Variants in APP observed in about 807,000 individuals in gnomAD.
APP encodes the protein amyloid beta precursor protein.
In APP, 31 loss-of-function variants were observed where a neutral mutation model predicts 101.4. That is an observed-to-expected ratio of 0.31 (90% confidence interval 0.23 to 0.41). The LOEUF is 0.41. Ranked by LOEUF, APP falls within the 10% of genes least tolerant of loss-of-function variation. The probability of loss-of-function intolerance (pLI) is 1.00; values close to 1 mark genes in which losing one functional copy is unlikely to be tolerated. For synonymous variants in APP, 366 were observed against 364.4 expected (o/e 1.00, Z -0.05); for missense variants, 839 against 1,003.7 (o/e 0.84, Z 2.22).
chr21:26,102,112 G>C (rs913540432), intron 2 of APP, among the ~76,000 whole-genome samples: 1 of 2,944 alleles, frequency 3.4e-4, no homozygotes, highest in Non-Finnish European at 1.2e-3. Flanking sequence ...TTTGGAGCCG[G>C]AGTCTCGCTC....
Position 26,144,049 on chromosome 21 carries a change from C to T in APP, c.57+26515G>A, listed in dbSNP as rs560091298. On this transcript the variant is annotated intron_variant, in intron 1 of 17. Coordinates refer to ENST00000346798, the MANE Select transcript of APP (RefSeq NM_000484.4). ...TCAGGAACCTTACAATTAGGGTAGA[C>T]GGGGAGGCAAACACGTCCTTCTTCA... Among the ~76,000 whole-genome samples, 8 of 152,136 alleles carry T rather than the reference C, an allele frequency of 5.3e-5. No homozygotes were observed. In the South Asian group the frequency reaches 6.2e-4, roughly 12 times the overall value.
chr21:25,895,760 ATGC>A (rs1193751812), intron 16 of APP, among the ~76,000 whole-genome samples: 2 of 152,220 alleles, frequency 1.3e-5, no homozygotes, highest in African/African-American at 2.4e-5. Context: ...CTAAACAAAT[ATGC>A]TAGCTCAACA....
At position 26,136,977 on chromosome 21, in the gene APP, T is replaced by C. The variant is rs139144082; in HGVS notation, c.58-24831A>G. ...GCGCGATCTCTGCTCACTGCACCTA[T>C]GCCTCCTGGGTTCAAGAGATCCATC... is the stretch of plus-strand genomic sequence containing the variant. On this transcript the variant is annotated intron_variant, in intron 1 of 17. Transcript: ENST00000346798. 1.6e-3 allele frequency among the ~76,000 whole-genome samples: 248 copies of C among 152,280 alleles called. 2 individuals carry two copies. The highest frequency in any genetic ancestry group is 3.5e-3 in the Admixed American group (54 of 15,298).
chr21:25,997,006 A>G (rs183400395), intron 8 of APP, among the ~76,000 whole-genome samples: 1 of 152,376 alleles, frequency 6.6e-6, no homozygotes, highest in East Asian at 1.9e-4. Flanking sequence ...CTGCAAAAGC[A>G]GTGAGAGGCT....
At chr21:26,058,172 G>C (rs1178880610) in intron 3 of APP, among the ~76,000 whole-genome samples, 1 of 152,180 alleles carries the variant, frequency 6.6e-6, no homozygotes, top group Non-Finnish European at 1.5e-5. Flanking sequence ...AGAAATTCAA[G>C]ACTCTGTGTC....
intron 3 of APP, among the ~76,000 whole-genome samples, chr21:26,078,185 AC>A (rs2061533070): frequency 6.6e-6 from 1 of 152,200 alleles, no homozygotes; most frequent in African/African-American, 2.4e-5. Flanking sequence ...AAAATATAAT[AC>A]GTGAGAAAAA....
At chr21:25,890,400 G>A (rs983933426) in intron 17 of APP, among the ~76,000 whole-genome samples, 1 of 152,216 alleles carries the variant, frequency 6.6e-6, no homozygotes, top group African/African-American at 2.4e-5. Context: ...CTTGGGGATA[G>A]TGGAATCTTC....
At chr21:25,949,452 G>A (rs1001739377) in intron 13 of APP, among the ~76,000 whole-genome samples, 1 of 152,204 alleles carries the variant, frequency 6.6e-6, no homozygotes, top group Admixed American at 6.5e-5. Context: ...AGAGGATGCT[G>A]TGGCCTAGGA....
At chr21:25,991,510 T>C (rs1467786571) in intron 8 of APP, among the ~76,000 whole-genome samples, 2 of 152,008 alleles carry the variant, frequency 1.3e-5, no homozygotes, top group Non-Finnish European at 2.9e-5. Flanking sequence ...CCTGAGTAGG[T>C]GGGATTACAG....
chr21:26,095,278 C>T (rs2061917364), intron 2 of APP, among the ~76,000 whole-genome samples: 1 of 152,202 alleles, frequency 6.6e-6, no homozygotes, highest in African/African-American at 2.4e-5. Flanking sequence ...CATGCCCAGC[C>T]AACAATAAGT....
chr21:25,929,127 G>A (rs1319964853), intron 13 of APP: 3 of 152,200 alleles, frequency 2.0e-5, no homozygotes, highest in African/African-American at 7.2e-5. Flanking sequence ...CTGGCTGCCT[G>A]GCTGGTTGAG....
chr21:25,952,130 T>C lies in APP; in HGVS notation c.1687+2460A>G, dbSNP rs138024721. Among the ~76,000 whole-genome samples, 367 of 151,910 alleles carry C rather than the reference T, an allele frequency of 2.4e-3. 2 individuals carry two copies. Among genetic ancestry groups the C allele is most frequent in the African/African-American group, 8.5e-3 (352 of 41,418 alleles). ...GTGGCATCTGGTATATTTAGAATGA[T>C]ATATATGTCATTACTTAAAAAAACC... On this transcript the variant is annotated intron_variant, in intron 13 of 17. Transcript: ENST00000346798.
chr21:25,987,219 G>T (rs1006240638), intron 8 of APP, among the ~76,000 whole-genome samples: 3 of 152,194 alleles, frequency 2.0e-5, no homozygotes, highest in Non-Finnish European at 4.4e-5. Flanking sequence ...GGGATCAAGT[G>T]AAAGAGCCCA....
chr21:26,109,237 T>C (rs1227975379), intron 2 of APP, among the ~76,000 whole-genome samples: 1 of 152,202 alleles, frequency 6.6e-6, no homozygotes, highest in Non-Finnish European at 1.5e-5. Flanking sequence ...TGGCTCTGTG[T>C]CCCTACCCAA....
intron 3 of APP, among the ~76,000 whole-genome samples, chr21:26,069,900 A>G (rs2046607150): frequency 6.6e-6 from 1 of 152,268 alleles, no homozygotes; most frequent in Admixed American, 6.5e-5. Flanking sequence ...AAGAGTTAAC[A>G]ATATTGTTAA....
intron 15 of APP, among the ~76,000 whole-genome samples, chr21:25,900,430 G>T (rs1040052051): frequency 1.3e-5 from 2 of 149,694 alleles, no homozygotes; most frequent in African/African-American, 2.5e-5. Context: ...GTGGTGGCGG[G>T]TGCCTGTAAT....
chr21:25,937,190 G>A (rs111453117), intron 13 of APP, among the ~76,000 whole-genome samples: 41 of 152,230 alleles, frequency 2.7e-4, no homozygotes, highest in African/African-American at 9.6e-4. Context: ...CAGCTCTGTG[G>A]TGTATTTACT....
At chr21:25,990,963 T>C (rs906188921) in intron 8 of APP, among the ~76,000 whole-genome samples, 1 of 152,170 alleles carries the variant, frequency 6.6e-6, no homozygotes, top group African/African-American at 2.4e-5. Flanking sequence ...ATGTGGTGTA[T>C]ATATACCACG....
intron 5 of APP, among the ~76,000 whole-genome samples, chr21:26,034,549 G>C (rs1167939830): frequency 6.7e-6 from 1 of 150,322 alleles, no homozygotes; most frequent in Non-Finnish European, 1.5e-5. Context: ...GGCTGAGGCA[G>C]GAGAATGGCG....
Sources: gnomAD v4.1 joint callset for allele counts (sites outside exome capture counted in the v4.1 genomes callset) on GRCh38, gnomAD v4.1.1 for gene constraint, MANE v1.5 for transcripts, NCBI Gene and HGNC (gene_info 2026-07-23, HGNC 2026-07-21) for gene names.